Variants in GEN1 observed in about 807,000 individuals in gnomAD.
GEN1 encodes flap endonuclease GEN homolog 1.
Under a neutral mutation model 67.6 loss-of-function variants are expected in GEN1, and 64 were observed. That is an observed-to-expected ratio of 0.95 (90% CI 0.77 to 1.17). GEN1 has a LOEUF of 1.17. Among genes scored for constraint, GEN1 ranks in the 50% most tolerant of loss-of-function variants. GEN1 has a pLI of 0.00. For synonymous variants in GEN1, 371 were observed against 359.4 expected (o/e 1.03, Z -0.37); for missense variants, 1,058 against 1,048.3 (o/e 1.01, Z -0.13).
upstream of GEN1, chr2:17,753,779 C>T (rs1220911645): frequency 1.3e-5 from 2 of 152,096 alleles, no homozygotes; most frequent in African/African-American, 2.4e-5. Flanking sequence ...GGTAGATTCC[C>T]GGGAGCCCCG....
intron 1 of GEN1, among the ~76,000 whole-genome samples, chr2:17,758,302 A>G (rs1287173875): frequency 2.0e-5 from 3 of 152,244 alleles, no homozygotes; most frequent in African/African-American, 4.8e-5. Context: ...ATTAGAACAA[A>G]GGAATTGCAT....
chr2:17,778,186 A>ACACACACACATATGTGTATATATATG lies in GEN1; in HGVS notation c.1264+123_1264+124insCACACACACATATGTGTATATATATG, dbSNP rs1558408555. On this transcript the variant is annotated intron_variant, in intron 12 of 13. Coordinates refer to ENST00000381254, the MANE Select transcript of GEN1 (RefSeq NM_001130009.3). ...CACATAGATATGTGTATATATATAT[A>ACACACACACATATGTGTATATATATG]TACACACACACATATATGTGTATAT... 111 of 359,388 alleles carry ACACACACACATATGTGTATATATATG rather than the reference A, an allele frequency of 3.1e-4. 1 individual carries two copies. The highest frequency in any genetic ancestry group is 8.4e-4 in the African/African-American group (28 of 33,466). The allele number at this position is 359,388 out of a possible 1,614,324, so 22.3% of individuals were successfully genotyped here. A position where few individuals can be genotyped will look rare whatever the true frequency, so the allele number is the denominator to read the frequency against.
At position 17,780,621 on chromosome 2, in the gene GEN1, G is replaced by T. The variant is rs1558411954; in HGVS notation, c.1409G>T (p.Arg470Leu). The change falls in exon 14 of 14, where the codon CGT (arginine) becomes CTT (leucine). Residue 470 changes from arginine to leucine, a missense_variant and splice_region_variant. Arg to Leu is a moderately radical substitution (Grantham distance 102). Transcript: ENST00000381254. ...TTATATGTATTTTTTTTCTTTTCAGGTATTAAGCCTAAAGAAAACAATTTG... is the reference window on the plus strand; with the variant it reads ...TTATATGTATTTTTTTTCTTTTCAGTTATTAAGCCTAAAGAAAACAATTTG... ...KLEIKGKKQK[R>L]IKPKENNLPE... 4 of 1,542,482 alleles carry T rather than the reference G, an allele frequency of 2.6e-6. No individual in the cohort carries two copies. Among genetic ancestry groups the T allele is most frequent in the African/African-American group, 1.4e-5 (1 of 71,932 alleles).
At position 17,764,278 on chromosome 2, in the gene GEN1, C is replaced by A. The variant is rs376222139; in HGVS notation, c.349-619C>A. On this transcript the variant is annotated intron_variant, in intron 3 of 13. Coordinates refer to ENST00000381254, the MANE Select transcript of GEN1 (RefSeq NM_001130009.3). ...AGAAAAAAATGCAAACATTAAAATT[C>A]AAGCCAAAACTGTATGATAGCATCT... 5.2e-4 allele frequency among the ~76,000 whole-genome samples: 79 copies of A among 152,256 alleles called. 2 individuals carry two copies. In the South Asian group the frequency reaches 0.014, roughly 27 times the overall value.
At position 17,774,407 on chromosome 2, in the gene GEN1, G is replaced by A. The variant is rs367941048; in HGVS notation, c.1202+6G>A. 8 of 1,590,870 alleles carry A rather than the reference G, an allele frequency of 5.0e-6. No homozygotes were observed. In the African/African-American group the frequency reaches 5.4e-5, roughly 11 times the overall value. On this transcript the variant is annotated splice_donor_region_variant and intron_variant, in intron 11 of 13. Transcript: ENST00000381254. ...AATCAACTACAGCCAATTCGGTAAT[G>A]TAAAGAACTGTATGGTGAAGGTGGT...
intron 5 of GEN1, among the ~76,000 whole-genome samples, chr2:17,767,780 T>C (rs1030867622): frequency 2.6e-5 from 4 of 152,246 alleles, no homozygotes; most frequent in African/African-American, 4.8e-5. Context: ...AAACCAAAAC[T>C]GCTATGTATT....
chr2:17,755,323 T>C (rs1671368809), intron 1 of GEN1: 1 of 152,326 alleles, frequency 6.6e-6, no homozygotes, highest in Admixed American at 6.5e-5. Flanking sequence ...CTTGCTTTCT[T>C]ACCTCTTAAG....
In GEN1 at chr2:17,780,636, A is replaced by G. The variant is rs775854740; in HGVS notation, c.1424A>G (p.Glu475Gly). The stretch of plus-strand genomic sequence containing the variant: ...TTCTTTTCAGGTATTAAGCCTAAAG[A>G]AAACAATTTGCCAGAACCAGATGAA... ...GKKQKRIKPKENNLPEPDEVM... is the reference protein window; with the variant it reads ...GKKQKRIKPKGNNLPEPDEVM... Residue 475 changes from glutamate to glycine, a missense_variant, in exon 14 of 14, where the codon GAA (glutamate) becomes GGA (glycine). Coordinates refer to ENST00000381254, the MANE Select transcript of GEN1 (RefSeq NM_001130009.3). 2 of 1,581,258 alleles carry G rather than the reference A, an allele frequency of 1.3e-6. No homozygotes were observed. The highest frequency in any genetic ancestry group is 2.3e-5 in the South Asian group (2 of 85,594).
In GEN1 at chr2:17,781,329, C is replaced by T. The variant is rs1295920347; in HGVS notation, c.2117C>T (p.Ser706Phe). Residue 706 changes from serine to phenylalanine, a missense_variant, in exon 14 of 14, where the codon TCT becomes TTT. Physicochemically the swap from Ser to Phe is radical, Grantham distance 155. Transcript: ENST00000381254. Reference sequence around the variant, plus strand: ...TTGTCCATACTTAGTGTAAAAGAATCTTGTATTGCTAACAGTGGTTCTGAT... The same window carrying T: ...TTGTCCATACTTAGTGTAAAAGAATTTTGTATTGCTAACAGTGGTTCTGAT... ...KTLSILSVKESCIANSGSDCT... is the reference protein window; with the variant it reads ...KTLSILSVKEFCIANSGSDCT... 7.4e-6 allele frequency: 12 copies of T among 1,613,586 alleles called. No individual in the cohort carries two copies. Among genetic ancestry groups the T allele is most frequent in the Non-Finnish European group, 9.3e-6 (11 of 1,179,680 alleles).
chr2:17,779,574 A>G (rs1180606398), intron 12 of GEN1, among the ~76,000 whole-genome samples: 2 of 152,180 alleles, frequency 1.3e-5, no homozygotes, highest in Admixed American at 6.5e-5. Flanking sequence ...GATTTATTTT[A>G]CCTGATAAAG....
At chr2:17,776,074 C>T (rs754251466) in intron 11 of GEN1, among the ~76,000 whole-genome samples, 49 of 143,628 alleles carry the variant, frequency 3.4e-4, no homozygotes, top group Admixed American at 2.9e-4. Context: ...TGAGTTCATA[C>T]CACTGCACTC....
At chr2:17,779,907 A>G (rs1332357678) in intron 12 of GEN1, 71 bp from the exon 13 acceptor site, 1 of 1,296,024 alleles carries the variant, frequency 7.7e-7, no homozygotes, top group East Asian at 2.4e-5. Context: ...GGTGTGAGCC[A>G]TCAAGCCTGA....
chr2:17,773,380 T>C (rs300178), intron 10 of GEN1, 81 bp downstream of exon 10: 1 of 837,078 alleles, frequency 1.2e-6, no homozygotes, highest in Admixed American at 2.8e-5. Flanking sequence ...TGATTGGTCT[T>C]AGAGGAGGTT....
chr2:17,764,817 A>G (rs538016508), intron 3 of GEN1, 80 bp from the exon 4 acceptor site: 1 of 1,264,214 alleles, frequency 7.9e-7, no homozygotes, highest in Non-Finnish European at 1.1e-6. Context: ...TAATATTTGT[A>G]ATACAGAAAT....
At chr2:17,771,007 T>C in intron 6 of GEN1, 189 bp from the exon 7 acceptor site, 1 of 651,508 alleles carries the variant, frequency 1.5e-6, no homozygotes, top group Non-Finnish European at 2.8e-6. Context: ...TCTGCTGTCC[T>C]TGGGCCTTGG....
Position 17,785,900 on chromosome 2 carries a change from A to T in GEN1, c.*3961A>T, listed in dbSNP as rs968536669. ...GGCGAAAAAGTGTCTAAAAAAAATT[A>T]AAATTTAAATTAAAAAAAAATATAC... is the stretch of plus-strand genomic sequence containing the variant. On this transcript the variant is annotated 3_prime_UTR_variant, in exon 14 of 14. Transcript: ENST00000381254. The T allele has an allele frequency of 4.5e-4, 68 of 152,320 alleles. No individual in the cohort carries two copies. Among genetic ancestry groups the T allele is most frequent in the Admixed American group, 2.6e-3 (39 of 15,294 alleles). The allele number at this position is 152,320 out of a possible 1,614,324, so 9.4% of individuals were successfully genotyped here.
chr2:17,781,313 C>G lies in GEN1; in HGVS notation c.2101C>G (p.Leu701Val), dbSNP rs1343397583. The G allele has an allele frequency of 1.2e-6, 2 of 1,613,612 alleles. No individual in the cohort carries two copies. Among genetic ancestry groups the G allele is most frequent in the Non-Finnish European group, 1.7e-6 (2 of 1,179,696 alleles). The change falls in exon 14 of 14, where the codon CTT becomes GTT. Residue 701 changes from leucine to valine, a missense_variant. Physicochemically the swap from Leu to Val is conservative, Grantham distance 32. Coordinates refer to ENST00000381254, the MANE Select transcript of GEN1 (RefSeq NM_001130009.3). ...TGTCAACCTGAAAACTTTGTCCATA[C>G]TTAGTGTAAAAGAATCTTGTATTGC... ...PDVNLKTLSI[L>V]SVKESCIANS...
chr2:17,766,959 T>G (rs977862953), intron 5 of GEN1, among the ~76,000 whole-genome samples: 53 of 152,328 alleles, frequency 3.5e-4, no homozygotes, highest in African/African-American at 1.3e-3. Flanking sequence ...GATTAAGAGA[T>G]TCACATTTAT....
rs1672956309 is a variant in GEN1 at position 17,783,846 on chromosome 2, AACTT to A, written c.*1909_*1912del. The A allele has an allele frequency of 6.6e-6, 1 of 152,224 alleles. No homozygotes were observed. The highest frequency in any genetic ancestry group is 1.5e-5 in the Non-Finnish European group (1 of 68,026). The allele number at this position is 152,224 out of a possible 1,614,324, so 9.4% of individuals were successfully genotyped here. On this transcript the variant is annotated 3_prime_UTR_variant, in exon 14 of 14. Transcript: ENST00000381254. ...CTACTTCACATGATATTTAAGAAGT[AACTT>A]AAGATGGATCAAATACCTAAATGTA...
Sources: gnomAD v4.1 joint callset for allele counts (sites outside exome capture counted in the v4.1 genomes callset) on GRCh38, gnomAD v4.1.1 for gene constraint, MANE v1.5 for transcripts, NCBI Gene and HGNC (gene_info 2026-07-23, HGNC 2026-07-21) for gene names.